Variants in KCNB2 observed in about 807,000 individuals in gnomAD.
KCNB2 encodes the protein delayed rectifier potassium channel protein.
A neutral mutation model predicts 61.5 loss-of-function variants in KCNB2; 15 were observed. That is an observed-to-expected ratio of 0.24 (90% CI 0.16 to 0.38). KCNB2 has a LOEUF of 0.38. Among genes scored for constraint, KCNB2 ranks in the 10% least tolerant of loss-of-function variants. KCNB2 has a pLI of 1.00. For synonymous variants in KCNB2, 457 were observed against 446.0 expected, an observed-to-expected ratio of 1.02 and a Z score of -0.31; for missense variants, 828 against 1,125.2, an observed-to-expected ratio of 0.74 and a Z score of 3.78.
intron 2 of KCNB2, among the ~76,000 whole-genome samples, chr8:72,745,866 A>G (rs747348685): frequency 6.6e-5 from 10 of 152,080 alleles, no homozygotes; most frequent in Non-Finnish European, 1.5e-4. Flanking sequence ...TGCATAAACT[A>G]TCAGGCACCG....
chr8:72,627,625 G>A (rs193135940), intron 2 of KCNB2, among the ~76,000 whole-genome samples: 3 of 152,340 alleles, frequency 2.0e-5, no homozygotes, highest in Admixed American at 2.0e-4. Flanking sequence ...GAACAGAGCT[G>A]TGTAGGAATG....
chr8:72,539,293 G>T (rs1490610881), intron 1 of KCNB2, among the ~76,000 whole-genome samples: 1 of 152,170 alleles, frequency 6.6e-6, no homozygotes, highest in Admixed American at 6.5e-5. Flanking sequence ...TTACTTGTGT[G>T]ATTGCATGGA....
rs1554539014 is a variant in KCNB2 at position 72,851,841 on chromosome 8, A to AAAAACAAAACC, written c.580-84090_580-84089insCAAAACCAAAA. On this transcript the variant is annotated intron_variant, in intron 2 of 2. Transcript: ENST00000523207. Reference sequence around the variant, plus strand: ...GAAGCTGTAGGAAAAAAAAAAAAAAAAAAAAAACACGTACTGCTGAGTTCC... The same window carrying AAAAACAAAACC: ...GAAGCTGTAGGAAAAAAAAAAAAAAAAAAACAAAACCAAAAAAACACGTACTGCTGAGTTCC... 3.3e-3 allele frequency among the ~76,000 whole-genome samples: 369 copies of AAAAACAAAACC among 111,468 alleles called. 4 individuals carry two copies. Among genetic ancestry groups the AAAAACAAAACC allele is most frequent in the African/African-American group, 0.016 (348 of 22,026 alleles). 73.1% of individuals were successfully genotyped at this position (111,468 alleles called of 152,430 possible). A position where few individuals can be genotyped will look rare whatever the true frequency, so the allele number is the denominator to read the frequency against.
chr8:72,638,839 G>T (rs1806009186), intron 2 of KCNB2, among the ~76,000 whole-genome samples: 1 of 152,092 alleles, frequency 6.6e-6, no homozygotes, highest in Non-Finnish European at 1.5e-5. Context: ...ACATTGCATT[G>T]TTTTCCATCC....
At chr8:72,572,339 A>T (rs1202414455) in intron 2 of KCNB2, among the ~76,000 whole-genome samples, 3 of 152,174 alleles carry the variant, frequency 2.0e-5, no homozygotes, top group African/African-American at 7.2e-5. Flanking sequence ...AGCAGCCCTT[A>T]TTGGATAAGA....
chr8:72,865,630 C>G (rs1250950823), intron 2 of KCNB2, among the ~76,000 whole-genome samples: 1 of 152,152 alleles, frequency 6.6e-6, no homozygotes, highest in East Asian at 1.9e-4. Flanking sequence ...GAGCCATTCG[C>G]AGAACTCCGA....
Position 72,936,820 on chromosome 8 carries a change from C to A in KCNB2, c.1465C>A (p.Pro489Thr). The A allele has an allele frequency of 6.2e-7, 1 of 1,614,100 alleles. No homozygotes were observed. Among genetic ancestry groups the A allele is most frequent in the Non-Finnish European group, 8.5e-7 (1 of 1,180,012 alleles). The change falls in exon 3 of 3, where the codon CCA becomes ACA. Residue 489 changes from proline (P) to threonine (T), a missense_variant. Pro to Thr is a conservative substitution (Grantham distance 38). This residue lies in a region of KCNB2 where 559 missense variants were observed against 588.4 expected (regional missense o/e 0.95). Coordinates refer to ENST00000523207, the MANE Select transcript of KCNB2 (RefSeq NM_004770.3). The surrounding 1 kb of genome is among the most constrained non-coding windows in gnomAD (Gnocchi z 5.6). Reference sequence around the variant, plus strand: ...CTCCGCCGACGATAATCACCTGTCGCCAAGCCGGTGGAAGTGGGCCAGGAA... The same window carrying A: ...CTCCGCCGACGATAATCACCTGTCGACAAGCCGGTGGAAGTGGGCCAGGAA... Reference protein sequence around the residue: ...KDSADDNHLSPSRWKWARKAL... With the variant: ...KDSADDNHLSTSRWKWARKAL...
chr8:72,708,332 A>T (rs573325023), intron 2 of KCNB2, among the ~76,000 whole-genome samples: 1 of 152,188 alleles, frequency 6.6e-6, no homozygotes, highest in Non-Finnish European at 1.5e-5. Context: ...TGGAAAGGAC[A>T]TTATTTCAAC....
chr8:72,660,582 ATC>A (rs1471592192), intron 2 of KCNB2: 1 of 152,176 alleles, frequency 6.6e-6, no homozygotes, highest in African/African-American at 2.4e-5. Flanking sequence ...GTCTGATTTA[ATC>A]TCTCTTTTTA....
intron 2 of KCNB2, among the ~76,000 whole-genome samples, chr8:72,756,272 C>G (rs1007786772): frequency 6.6e-6 from 1 of 152,192 alleles, no homozygotes; most frequent in African/African-American, 2.4e-5. Context: ...GCTGCTCTAT[C>G]CCTCCCTTCC....
intron 2 of KCNB2, among the ~76,000 whole-genome samples, chr8:72,836,568 A>C (rs946009955): frequency 6.6e-6 from 1 of 152,190 alleles, no homozygotes; most frequent in African/African-American, 2.4e-5. Context: ...AGGTTGCTCC[A>C]TATTACTTTT....
chr8:72,581,083 T>C lies in KCNB2; in HGVS notation c.579+12770T>C, dbSNP rs73686081. Among the ~76,000 whole-genome samples, 303 of 152,236 alleles carry C rather than the reference T, an allele frequency of 2.0e-3. 3 individuals carry two copies. Among genetic ancestry groups the C allele is most frequent in the African/African-American group, 7.0e-3 (290 of 41,532 alleles). ...ACCATTCCTGAAGACAGGGCTCTGG[T>C]CTAGACAGGTTGTTCACTGAACTCA... On this transcript the variant is annotated intron_variant, in intron 2 of 2. Transcript: ENST00000523207.
In KCNB2 at chr8:72,567,784, C is replaced by T. The variant is rs375896990; in HGVS notation, c.50C>T (p.Thr17Ile). 2.5e-6 allele frequency: 4 copies of T among 1,608,748 alleles called. No individual in the cohort carries two copies. The highest frequency in any genetic ancestry group is 1.7e-5 in the Admixed American group (1 of 59,128). ...PGLNRKTSRS[T>I]LSLPPEPVDI... ...TTAAACAGGAAGACTTCAAGGTCGACACTTTCCCTTCCTCCAGAGCCTGTG... is the reference window on the plus strand; with the variant it reads ...TTAAACAGGAAGACTTCAAGGTCGATACTTTCCCTTCCTCCAGAGCCTGTG... The change falls in exon 2 of 3, where the codon ACA becomes ATA. Residue 17 changes from threonine (T) to isoleucine (I), a missense_variant. Thr to Ile is a moderately conservative substitution (Grantham distance 89). Around this residue, in one of 4 missense-constraint regions of KCNB2, gnomAD observed 62 missense variants for 54.8 expected, o/e 1.13. Transcript: ENST00000523207.
chr8:72,895,922 A>G (rs933127031), intron 2 of KCNB2, among the ~76,000 whole-genome samples: 2 of 152,178 alleles, frequency 1.3e-5, no homozygotes, highest in African/African-American at 4.8e-5. Flanking sequence ...TTAGGGATAG[A>G]TTTTGTTCCT....
chr8:72,617,300 AT>A (rs1805634594), intron 2 of KCNB2, among the ~76,000 whole-genome samples: 1 of 152,132 alleles, frequency 6.6e-6, no homozygotes, highest in African/African-American at 2.4e-5. Context: ...AAACACTCTT[AT>A]TTCCCATTCC....
chr8:72,781,724 G>C (rs1423478887), intron 2 of KCNB2, among the ~76,000 whole-genome samples: 1 of 152,074 alleles, frequency 6.6e-6, no homozygotes, highest in African/African-American at 2.4e-5. Flanking sequence ...GAATTTTAAA[G>C]TAGTTTTTTC....
At chr8:72,843,026 T>A (rs563334819) in intron 2 of KCNB2, among the ~76,000 whole-genome samples, 1 of 152,308 alleles carries the variant, frequency 6.6e-6, no homozygotes, top group Non-Finnish European at 1.5e-5. Context: ...AATTGTGACA[T>A]TAGGGTGTCA....
chr8:72,931,711 G>A (rs1342373561), intron 2 of KCNB2, among the ~76,000 whole-genome samples: 1 of 152,064 alleles, frequency 6.6e-6, no homozygotes, highest in Non-Finnish European at 1.5e-5. Context: ...GAGGTGAAAG[G>A]GATTAAAAAC....
Position 72,552,209 on chromosome 8 carries a change from G to A in KCNB2, c.-94+14324G>A, listed in dbSNP as rs138157488. On this transcript the variant is annotated intron_variant, in intron 1 of 2. Transcript: ENST00000523207. Reference sequence around the variant, plus strand: ...TAGAAACACAATCAAGGCAAAACATGTTCTTCCAACAGAATTTTTTCTGCC... The same window carrying A: ...TAGAAACACAATCAAGGCAAAACATATTCTTCCAACAGAATTTTTTCTGCC... 5.5e-3 allele frequency among the ~76,000 whole-genome samples: 840 copies of A among 152,300 alleles called. 3 individuals are homozygous for A. Among genetic ancestry groups the A allele is most frequent in the Non-Finnish European group, 8.8e-3 (597 of 68,026 alleles).
Sources: gnomAD v4.1 joint callset for allele counts (sites outside exome capture counted in the v4.1 genomes callset) on GRCh38, gnomAD v4.1.1 for gene constraint, gnomAD v4.1.1 regional missense constraint, Gnocchi (gnomAD v3.1) non-coding constraint, MANE v1.5 for transcripts, NCBI Gene and HGNC (gene_info 2026-07-23, HGNC 2026-07-21) for gene names.